ROBO1: variants seen among roughly 807,000 people sequenced by gnomAD.
The protein encoded by ROBO1 is roundabout homolog 1.
ROBO1 carries 149 observed loss-of-function variants against 195.9 expected under a neutral mutation model. That is an observed-to-expected ratio of 0.76 (90% CI 0.67 to 0.87). The LOEUF (loss-of-function observed/expected upper bound fraction) is 0.87, where lower values mean the gene tolerates loss of function less well. Ranked by LOEUF, ROBO1 falls within the 40% of genes least tolerant of loss-of-function variation. The pLI is 0.00. For synonymous variants in ROBO1, 816 were observed against 733.2 expected, an observed-to-expected ratio of 1.11 and a Z score of -1.82; for missense variants, 1,933 against 2,068.3, an observed-to-expected ratio of 0.93 and a Z score of 1.27.
intron 3 of ROBO1, among the ~76,000 whole-genome samples, chr3:78,971,727 G>C (rs2076769968): frequency 6.6e-6 from 1 of 152,032 alleles, no homozygotes; most frequent in South Asian, 2.1e-4. Flanking sequence ...ACTTTGTACT[G>C]ACATCTTTTA....
At chr3:79,294,057 CAA>C (rs71631641) in intron 2 of ROBO1, among the ~76,000 whole-genome samples, 50 of 29,040 alleles carry the variant, frequency 1.7e-3, no homozygotes, top group South Asian at 6.8e-3. Flanking sequence ...GACTCCATCT[CAA>C]AAAAAAAAAA....
intron 4 of ROBO1, among the ~76,000 whole-genome samples, chr3:78,779,847 A>G (rs753164745): frequency 7.2e-5 from 11 of 152,204 alleles, no homozygotes; most frequent in Non-Finnish European, 1.5e-4. Flanking sequence ...AAAGACTTGG[A>G]ACCAACCCAG....
At chr3:79,657,831 C>T (rs1576188317) in intron 1 of ROBO1, among the ~76,000 whole-genome samples, 2 of 152,020 alleles carry the variant, frequency 1.3e-5, no homozygotes, top group East Asian at 2.0e-4. Flanking sequence ...GCTTGAAACC[C>T]GGTTTGAAGC....
intron 3 of ROBO1, among the ~76,000 whole-genome samples, chr3:78,943,540 T>C (rs1323172396): frequency 6.6e-6 from 1 of 152,334 alleles, no homozygotes; most frequent in East Asian, 1.9e-4. Context: ...ATATTCTTTC[T>C]TCAGATTGTT....
chr3:79,000,539 G>A (rs558791750), intron 3 of ROBO1, among the ~76,000 whole-genome samples: 2 of 152,060 alleles, frequency 1.3e-5, no homozygotes, highest in Non-Finnish European at 2.9e-5. Context: ...ATCATCACTG[G>A]TCATTAGAGA....
At position 78,641,438 on chromosome 3, in the gene ROBO1, C is replaced by A. The variant is rs551196671; in HGVS notation, c.2883-1540G>T. ...GGAAGTGTAAGCTGTTAAAACTGAG[C>A]CATCTTACTATTAAAATTGTTGATA... On this transcript the variant is annotated intron_variant, in intron 21 of 30. Transcript: ENST00000464233. Among the ~76,000 whole-genome samples, 307 of 152,260 alleles carry A rather than the reference C, an allele frequency of 2.0e-3. 3 individuals are homozygous for A. Among genetic ancestry groups the A allele is most frequent in the African/African-American group, 7.0e-3 (292 of 41,538 alleles).
intron 1 of ROBO1, among the ~76,000 whole-genome samples, chr3:79,605,899 C>A (rs1246135929): frequency 6.6e-6 from 1 of 151,610 alleles, no homozygotes; most frequent in East Asian, 2.0e-4. Flanking sequence ...AGGGCTTTTT[C>A]AATGCTTTCG....
intron 2 of ROBO1, among the ~76,000 whole-genome samples, chr3:79,173,101 A>G (rs1048093122): frequency 1.2e-4 from 19 of 152,160 alleles, no homozygotes; most frequent in African/African-American, 4.6e-4. Context: ...TTCAATGGTC[A>G]CAAATAAATA....
At chr3:79,064,890 G>A (rs1167900102) in intron 3 of ROBO1, among the ~76,000 whole-genome samples, 1 of 151,854 alleles carries the variant, frequency 6.6e-6, no homozygotes, top group Non-Finnish European at 1.5e-5. Flanking sequence ...TCCACCTTAG[G>A]AGTAAAAGCA....
At chr3:79,751,498 AT>A (rs1450476175) in intron 1 of ROBO1, among the ~76,000 whole-genome samples, 3 of 152,268 alleles carry the variant, frequency 2.0e-5, no homozygotes, top group Non-Finnish European at 4.4e-5. Context: ...AAAATCACTT[AT>A]CTGTGTTTGA....
At chr3:79,533,739 T>G (rs1472816066) in intron 2 of ROBO1, among the ~76,000 whole-genome samples, 1 of 152,176 alleles carries the variant, frequency 6.6e-6, no homozygotes, top group Non-Finnish European at 1.5e-5. Context: ...TCTTTTGAAA[T>G]GCAGAAAAGT....
intron 2 of ROBO1, among the ~76,000 whole-genome samples, chr3:79,173,096 T>C (rs969920313): frequency 6.6e-6 from 1 of 152,112 alleles, no homozygotes; most frequent in African/African-American, 2.4e-5. Context: ...ATGGGTTCAA[T>C]GGTCACAAAT....
At chr3:78,616,289 G>A (rs949387595) in intron 27 of ROBO1, among the ~76,000 whole-genome samples, 6 of 152,028 alleles carry the variant, frequency 3.9e-5, no homozygotes, top group East Asian at 1.9e-4. Context: ...AACAAAAGCC[G>A]TATGTAAAGT....
At chr3:79,412,008 G>C (rs1575789489) in intron 2 of ROBO1, among the ~76,000 whole-genome samples, 1 of 152,182 alleles carries the variant, frequency 6.6e-6, no homozygotes, top group East Asian at 1.9e-4. Flanking sequence ...GAGAGCAGCA[G>C]CATCAGTAAC....
At chr3:78,660,995 C>T (rs78510504) in intron 16 of ROBO1, 35 bp downstream of exon 16, 9 of 1,375,350 alleles carry the variant, frequency 6.5e-6, no homozygotes, top group Non-Finnish European at 5.1e-6. Flanking sequence ...AAATATACTG[C>T]AATGCATGGA....
At chr3:79,276,550 C>T (rs959133631) in intron 2 of ROBO1, among the ~76,000 whole-genome samples, 1 of 151,958 alleles carries the variant, frequency 6.6e-6, no homozygotes, top group African/African-American at 2.4e-5. Context: ...CTGTCTAAGA[C>T]ACTGGTCTGG....
chr3:78,856,124 C>T (rs1019136089), intron 4 of ROBO1, among the ~76,000 whole-genome samples: 2 of 151,178 alleles, frequency 1.3e-5, no homozygotes, highest in African/African-American at 4.9e-5. Context: ...AAGTAATCTA[C>T]ATGATGGTTG....
rs561699520 is a variant in ROBO1, at chr3:78,608,214, T to C, written c.4436-1173A>G. Among the ~76,000 whole-genome samples the C allele has an allele frequency of 3.9e-5, 6 of 152,194 alleles. No homozygotes were observed. In the South Asian group the frequency reaches 1.2e-3, roughly 32 times the overall value. On this transcript the variant is annotated intron_variant, in intron 28 of 30. Transcript: ENST00000464233. The stretch of plus-strand genomic sequence containing the variant: ...ACTGCAGCCTCTGTCTCCCATCAAG[T>C]GATCCTCCCACCTCAGCCTCCTGAG...
chr3:79,437,780 C>CA (rs1008912118), intron 2 of ROBO1, among the ~76,000 whole-genome samples: 1 of 151,748 alleles, frequency 6.6e-6, no homozygotes, highest in African/African-American at 2.4e-5. Context: ...GCAGAGGAAA[C>CA]ACTGCTAAGG....
Sources: gnomAD v4.1 joint callset for allele counts (sites outside exome capture counted in the v4.1 genomes callset) on GRCh38, gnomAD v4.1.1 for gene constraint, MANE v1.5 for transcripts, NCBI Gene and HGNC (gene_info 2026-07-23, HGNC 2026-07-21) for gene names.